CTNNAL1: variants seen among roughly 807,000 people sequenced by gnomAD.
CTNNAL1 encodes the protein catenin alpha like 1.
CTNNAL1 carries 69 observed loss-of-function variants against 93.6 expected under a neutral mutation model. That is an observed-to-expected ratio of 0.74 (90% CI 0.61 to 0.90). CTNNAL1 has a LOEUF of 0.90. CTNNAL1 is among the 40% of genes least tolerant of loss of function. The probability of loss-of-function intolerance (pLI) is 0.00; values close to 1 mark genes in which losing one functional copy is unlikely to be tolerated. For synonymous variants in CTNNAL1, 286 were observed against 305.4 expected, an observed-to-expected ratio of 0.94 and a Z score of 0.66; for missense variants, 836 against 862.0, an observed-to-expected ratio of 0.97 and a Z score of 0.38.
intron 3 of CTNNAL1, chr9:108,991,831 G>T: frequency 2.1e-6 from 1 of 478,426 alleles, no homozygotes; most frequent in Non-Finnish European, 3.7e-6. Context: ...TCTCCTCTTT[G>T]CCTAGGGAAT....
intron 9 of CTNNAL1, among the ~76,000 whole-genome samples, chr9:108,972,423 T>A (rs377497984): frequency 2.0e-5 from 3 of 152,176 alleles, no homozygotes; most frequent in African/African-American, 7.2e-5. Flanking sequence ...TACTCCAAGG[T>A]CTAACTTCTC....
intron 1 of CTNNAL1, among the ~76,000 whole-genome samples, chr9:109,002,385 G>T (rs1826862296): frequency 6.6e-6 from 1 of 152,148 alleles, no homozygotes; most frequent in Admixed American, 6.6e-5. Flanking sequence ...AAATTTTGGG[G>T]GAATGCCAAC....
At chr9:108,973,727 A>G (rs558536949) in intron 8 of CTNNAL1, among the ~76,000 whole-genome samples, 27 of 150,916 alleles carry the variant, frequency 1.8e-4, no homozygotes, top group Admixed American at 5.3e-4. Flanking sequence ...GGGGTTGTCC[A>G]GAAATAGATC....
chr9:108,989,197 A>G (rs1272042380), intron 4 of CTNNAL1, among the ~76,000 whole-genome samples: 2 of 152,204 alleles, frequency 1.3e-5, no homozygotes, highest in Non-Finnish European at 2.9e-5. Context: ...CAGAAGCTGA[A>G]GAGGATCCTG....
At chr9:108,963,325 G>A (rs1167999262) in intron 11 of CTNNAL1, among the ~76,000 whole-genome samples, 1 of 152,208 alleles carries the variant, frequency 6.6e-6, no homozygotes, top group Non-Finnish European at 1.5e-5. Context: ...CAAAGAGGAA[G>A]GGGGCTCAGG....
intron 6 of CTNNAL1, among the ~76,000 whole-genome samples, chr9:108,980,671 G>A (rs781642950): frequency 2.6e-5 from 4 of 152,086 alleles, no homozygotes; most frequent in Non-Finnish European, 5.9e-5. Flanking sequence ...ACAGATAATA[G>A]TAAGGTATGG....
intron 10 of CTNNAL1, among the ~76,000 whole-genome samples, chr9:108,967,314 T>C (rs1197330764): frequency 6.6e-6 from 1 of 152,236 alleles, no homozygotes; most frequent in Non-Finnish European, 1.5e-5. Context: ...ATTAATAGGA[T>C]AATGTGATAG....
At chr9:108,944,194 T>G (rs1587938125) in intron 15 of CTNNAL1, among the ~76,000 whole-genome samples, 176 bp from the exon 16 acceptor site, 1 of 152,334 alleles carries the variant, frequency 6.6e-6, no homozygotes, top group South Asian at 2.1e-4. Flanking sequence ...TTTAACTGTT[T>G]TCAGAAGGAG....
At chr9:108,983,351 G>C (rs1831497287) in intron 5 of CTNNAL1, 36 bp from the exon 6 acceptor site, 8 of 1,408,046 alleles carry the variant, frequency 5.7e-6, no homozygotes, top group Non-Finnish European at 7.4e-6. Flanking sequence ...TTTAATATTT[G>C]ATTTATGTCA....
chr9:108,996,559 C>T (rs1454278186), intron 2 of CTNNAL1, among the ~76,000 whole-genome samples: 1 of 152,164 alleles, frequency 6.6e-6, no homozygotes, highest in Non-Finnish European at 1.5e-5. Flanking sequence ...GTATGGTACT[C>T]ATGTCAGTGT....
Position 108,987,636 on chromosome 9 carries a change from A to T in CTNNAL1, c.639+3090T>A, listed in dbSNP as rs766391922. Among the ~76,000 whole-genome samples, 911 of 151,924 alleles carry T rather than the reference A, an allele frequency of 6.0e-3. 9 individuals are homozygous for T. Among genetic ancestry groups the T allele is most frequent in the Non-Finnish European group, 0.011 (715 of 67,854 alleles). Reference sequence around the variant, plus strand: ...ACCTTGGGCAGTATGGCCATTTTCAAGATATTGATTCTTCCTACCCATGAG... The same window carrying T: ...ACCTTGGGCAGTATGGCCATTTTCATGATATTGATTCTTCCTACCCATGAG... On this transcript the variant is annotated intron_variant, in intron 4 of 18. Transcript: ENST00000325551.
rs1407015255 is a variant in CTNNAL1, at chr9:108,949,961, T to C, written c.1836-1727A>G. Among the ~76,000 whole-genome samples, 3 of 150,548 alleles carry C rather than the reference T, an allele frequency of 2.0e-5. No homozygotes were observed. The East Asian group carries it at 5.8e-4, about 29-fold the overall frequency. On this transcript the variant is annotated intron_variant, in intron 14 of 18. Transcript: ENST00000325551. ...ATTGCTTGAACTCAGGAGGCGGAGG[T>C]TGCAGTGAGCCGAGATCATGCCACT...
intron 10 of CTNNAL1, among the ~76,000 whole-genome samples, chr9:108,967,352 G>A (rs555271326): frequency 6.6e-6 from 1 of 152,050 alleles, no homozygotes; most frequent in Non-Finnish European, 1.5e-5. Flanking sequence ...AAGTGATGTT[G>A]TTGTTCCATG....
chr9:108,989,588 C>A (rs1444852415), intron 4 of CTNNAL1, among the ~76,000 whole-genome samples: 1 of 152,070 alleles, frequency 6.6e-6, no homozygotes, highest in African/African-American at 2.4e-5. Context: ...GGGACTACAC[C>A]CAGAACCATC....
chr9:108,961,062 G>A (rs759572261), intron 11 of CTNNAL1, among the ~76,000 whole-genome samples: 1 of 142,916 alleles, frequency 7.0e-6, no homozygotes, highest in Non-Finnish European at 1.5e-5. Flanking sequence ...TTAGTTGGAT[G>A]GTTGAATGAT....
rs1030870475 is a variant in CTNNAL1, at chr9:109,006,415, G to A, written c.141+6887C>T. Among the ~76,000 whole-genome samples the A allele has an allele frequency of 4.6e-5, 7 of 152,082 alleles. No individual in the cohort carries two copies. The East Asian group carries it at 5.8e-4, about 13-fold the overall frequency. Reference sequence around the variant, plus strand: ...ATTTGAAGAAGTTAAGTATTTGCCCGAGGTCACAAAGCCAGGGGAGCTACC... The same window carrying A: ...ATTTGAAGAAGTTAAGTATTTGCCCAAGGTCACAAAGCCAGGGGAGCTACC... On this transcript the variant is annotated intron_variant, in intron 1 of 18. Transcript: ENST00000325551.
At chr9:108,984,088 C>T (rs771492479) in intron 5 of CTNNAL1, among the ~76,000 whole-genome samples, 14 of 152,218 alleles carry the variant, frequency 9.2e-5, no homozygotes, top group Non-Finnish European at 1.5e-4. Flanking sequence ...CCATGTGTGA[C>T]AGGCCTTAAT....
At chr9:108,992,855 C>A (rs1249425516) in intron 2 of CTNNAL1, 36 bp from the exon 3 acceptor site, 3 of 1,568,272 alleles carry the variant, frequency 1.9e-6, no homozygotes, top group Admixed American at 1.9e-5. Flanking sequence ...GTTAAACAGG[C>A]ATACAAATTA....
chr9:108,983,303 G>A lies in CTNNAL1; in HGVS notation c.742C>T (p.His248Tyr). ...TTATGGGCTGATTCGCAGTTAGGAT[G>A]CCTCAGACATGTCTTCAAAACAATT... ...LLTASKTCLR[H>Y]PNCESAHKNK... is the part of the protein sequence containing the mutation. Residue 248 changes from histidine to tyrosine, a missense_variant, in exon 6 of 19, where the codon CAT becomes TAT. Transcript: ENST00000325551. 2 of 1,529,234 alleles carry A rather than the reference G, an allele frequency of 1.3e-6. No homozygotes were observed. The highest frequency in any genetic ancestry group is 2.7e-5 in the South Asian group (2 of 75,440). 94.7% of individuals were successfully genotyped at this position (1,529,234 alleles called of 1,614,324 possible). A position where few individuals can be genotyped will look rare whatever the true frequency, so the allele number is the denominator to read the frequency against.
Sources: allele counts gnomAD v4.1 joint callset (sites outside exome capture counted in the v4.1 genomes callset), GRCh38; gene constraint gnomAD v4.1.1; transcripts MANE v1.5; gene names NCBI Gene and HGNC (gene_info 2026-07-23, HGNC 2026-07-21).